The following DNAH7 variants were observed in gnomAD, a reference collection of about 807,000 sequenced individuals.
DNAH7 encodes the protein dynein axonemal heavy chain 7, also known as axonemal beta dynein heavy chain 7.
DNAH7 carries 397 observed loss-of-function variants against 444.6 expected under a neutral mutation model. The ratio of observed to expected loss-of-function variants is 0.89; its 90% CI spans 0.82 to 0.97. DNAH7 has a LOEUF of 0.97. DNAH7 is among the 50% of genes least tolerant of loss of function. The probability of loss-of-function intolerance (pLI) is 0.00; values close to 1 mark genes in which losing one functional copy is unlikely to be tolerated. For synonymous variants in DNAH7, 1,636 were observed against 1,624.4 expected (o/e 1.01, Z -0.17); for missense variants, 4,902 against 4,800.8 (o/e 1.02, Z -0.62).
At chr2:196,001,595 A>C in intron 11 of DNAH7, 80 bp downstream of exon 11, 351 of 1,267,730 alleles carry the variant, frequency 2.8e-4, no homozygotes, top group Non-Finnish European at 3.4e-4. Flanking sequence ...TCTCACTGAT[A>C]GAGATGTTAT....
At chr2:195,927,461 C>T (rs866718401) in intron 21 of DNAH7, among the ~76,000 whole-genome samples, 92 of 150,392 alleles carry the variant, frequency 6.1e-4, no homozygotes, top group African/African-American at 1.8e-3. Flanking sequence ...GAAGAAGCCA[C>T]GGAAAGAACA....
chr2:195,785,216 A>G (rs1479947214), intron 58 of DNAH7, among the ~76,000 whole-genome samples: 1 of 152,098 alleles, frequency 6.6e-6, no homozygotes, highest in Non-Finnish European at 1.5e-5. Flanking sequence ...CGGCCGACCC[A>G]TTTTTAAACC....
chr2:196,034,587 A>G (rs1696266323), intron 5 of DNAH7, among the ~76,000 whole-genome samples: 1 of 152,246 alleles, frequency 6.6e-6, no homozygotes, highest in African/African-American at 2.4e-5. Flanking sequence ...ATAATTTTGA[A>G]AAAGAATAAA....
In DNAH7 at chr2:195,948,734, T is replaced by C. The variant is rs574348451; in HGVS notation, c.3078+8527A>G. On this transcript the variant is annotated intron_variant, in intron 19 of 64. Coordinates refer to ENST00000312428, the MANE Select transcript of DNAH7 (RefSeq NM_018897.3). ...TTGAAGTCAGGTAGCGTGATGCCTC[T>C]TGCTTTGTTCTTTTTGCTTAGGATT... Among the ~76,000 whole-genome samples, 1,082 of 152,246 alleles carry C rather than the reference T, an allele frequency of 7.1e-3. 7 individuals carry two copies. Among genetic ancestry groups the C allele is most frequent in the African/African-American group, 0.024 (1,017 of 41,558 alleles).
chr2:196,050,336 T>C (rs1575104912), intron 3 of DNAH7, among the ~76,000 whole-genome samples: 1 of 150,702 alleles, frequency 6.6e-6, no homozygotes, highest in East Asian at 1.9e-4. Context: ...TGCCAGGAGG[T>C]GGGGGAGGGG....
chr2:196,005,999 T>C (rs992482042), intron 10 of DNAH7, among the ~76,000 whole-genome samples: 2 of 151,670 alleles, frequency 1.3e-5, no homozygotes, highest in African/African-American at 4.8e-5. Flanking sequence ...ATACTAGAAA[T>C]CCAAGTCCAG....
At chr2:196,038,413 G>A (rs893381077) in intron 5 of DNAH7, among the ~76,000 whole-genome samples, 1 of 152,160 alleles carries the variant, frequency 6.6e-6, no homozygotes, top group Non-Finnish European at 1.5e-5. Context: ...TAAGCAGTAA[G>A]AGGAGAACAA....
intron 36 of DNAH7, 65 bp from the exon 37 acceptor site, chr2:195,876,764 C>G: frequency 1.7e-6 from 2 of 1,145,028 alleles, no homozygotes; most frequent in Non-Finnish European, 2.5e-6. Flanking sequence ...AGAATAAACA[C>G]TAAGCATCAT....
intron 9 of DNAH7, among the ~76,000 whole-genome samples, chr2:196,018,103 A>G (rs1019310236): frequency 2.0e-5 from 3 of 152,156 alleles, no homozygotes; most frequent in Non-Finnish European, 4.4e-5. Context: ...ATTGATAAGA[A>G]AAGATGAAGA....
chr2:196,066,559 C>G (rs1480014390), intron 1 of DNAH7, among the ~76,000 whole-genome samples: 6 of 152,088 alleles, frequency 3.9e-5, no homozygotes, highest in Admixed American at 6.5e-5. Context: ...GCCTTTAAAC[C>G]TCTCAAAGTT....
chr2:195,990,897 A>G (rs1239665326), intron 12 of DNAH7, among the ~76,000 whole-genome samples: 1 of 141,616 alleles, frequency 7.1e-6, no homozygotes, highest in African/African-American at 2.6e-5. Flanking sequence ...ATACTTATAT[A>G]CATATATATA....
intron 19 of DNAH7, among the ~76,000 whole-genome samples, chr2:195,955,250 C>T (rs1340760175): frequency 2.6e-5 from 4 of 152,148 alleles, no homozygotes; most frequent in Admixed American, 2.0e-4. Context: ...TATGGCTAGC[C>T]AGTTTTCCCA....
chr2:195,801,267 A>C (rs1188336009), intron 54 of DNAH7, among the ~76,000 whole-genome samples: 1 of 151,728 alleles, frequency 6.6e-6, no homozygotes, highest in Non-Finnish European at 1.5e-5. Flanking sequence ...TTAACTACCA[A>C]AAGTACTTTT....
intron 14 of DNAH7, 118 bp downstream of exon 14, chr2:195,986,947 TA>T: frequency 1.1e-6 from 1 of 921,780 alleles, no homozygotes; most frequent in Non-Finnish European, 1.6e-6. Flanking sequence ...AAGTTTAGCA[TA>T]ATCATTTCTT....
chr2:196,000,209 T>C (rs765701694), intron 12 of DNAH7, among the ~76,000 whole-genome samples: 1 of 152,134 alleles, frequency 6.6e-6, no homozygotes. Flanking sequence ...ACATTGTAAG[T>C]TGAAGAATTT....
At chr2:195,809,702 C>A in intron 52 of DNAH7, 43 bp downstream of exon 52, 1 of 1,455,684 alleles carries the variant, frequency 6.9e-7, no homozygotes, top group Non-Finnish European at 9.1e-7. Context: ...AATGAATCAG[C>A]GTTATTAAGG....
chr2:195,871,003 C>A (rs1482818912), intron 40 of DNAH7, among the ~76,000 whole-genome samples: 1 of 152,170 alleles, frequency 6.6e-6, no homozygotes. Context: ...AGCCTGCATC[C>A]GTATCCTGGG....
At chr2:195,942,991 G>T (rs1039941983) in intron 19 of DNAH7, among the ~76,000 whole-genome samples, 1 of 152,228 alleles carries the variant, frequency 6.6e-6, no homozygotes, top group Middle Eastern at 3.4e-3. Flanking sequence ...AATCATCGGG[G>T]TGGGTTTTTC....
rs143373208 is a variant in DNAH7 at position 195,778,038 on chromosome 2, C to T, written c.10879-53G>A. 8.0e-4 allele frequency: 1,128 copies of T among 1,413,286 alleles called. 7 individuals carry two copies. In the African/African-American group the frequency reaches 0.012, roughly 15 times the overall value. The allele number at this position is 1,413,286 out of a possible 1,614,324, so 87.5% of individuals were successfully genotyped here. On this transcript the variant is annotated intron_variant, in intron 58 of 64. Coordinates refer to ENST00000312428, the MANE Select transcript of DNAH7 (RefSeq NM_018897.3). Reference sequence around the variant, plus strand: ...TTATCAGTAGCATGTTATACAGAATCGTGTTTCTTGTTTTTTCCTATTACT... The same window carrying T: ...TTATCAGTAGCATGTTATACAGAATTGTGTTTCTTGTTTTTTCCTATTACT...
Sources: allele counts gnomAD v4.1 joint callset (sites outside exome capture counted in the v4.1 genomes callset), GRCh38; gene constraint gnomAD v4.1.1; transcripts MANE v1.5; gene names NCBI Gene and HGNC (gene_info 2026-07-23, HGNC 2026-07-21).